FAT4: variants seen among roughly 807,000 people sequenced by gnomAD.
FAT4 encodes the protein FAT atypical cadherin 4.
Under a neutral mutation model 303.9 loss-of-function variants are expected in FAT4, and 84 were observed. The ratio of observed to expected loss-of-function variants is 0.28; its 90% CI spans 0.23 to 0.33. The LOEUF (loss-of-function observed/expected upper bound fraction) is 0.33, where lower values mean the gene tolerates loss of function less well. Ranked by LOEUF, FAT4 falls within the 10% of genes least tolerant of loss-of-function variation. FAT4 has a pLI of 1.00. For missense variants in FAT4, 6,005 were observed against 6,146.8 expected, an observed-to-expected ratio of 0.98 and a Z score of 0.77; for synonymous variants, 2,307 against 2,298.8, an observed-to-expected ratio of 1.00 and a Z score of -0.10.
At chr4:125,394,740 A>G (rs1038081120) in intron 2 of FAT4, among the ~76,000 whole-genome samples, 1 of 152,146 alleles carries the variant, frequency 6.6e-6, no homozygotes, top group African/African-American at 2.4e-5. Flanking sequence ...TCTGAGAGTG[A>G]ACCAAGCACA....
rs746232922 is a variant in FAT4, at chr4:125,468,603, T to C, written c.11997T>C (p.Tyr3999=). The C allele has an allele frequency of 2.5e-6, 4 of 1,614,044 alleles. No individual in the cohort carries two copies. The highest frequency in any genetic ancestry group is 2.2e-5 in the East Asian group (1 of 44,882). ...EFPSLDPNNN[Y]IYVKFATIKS... ...CAAGCTTGGACCCCAATAACAACTA[T>C]ATTTATGTCAAATTTGCCACGATTA... is the stretch of plus-strand genomic sequence containing the variant. The change falls in exon 12 of 18, where the codon TAT becomes TAC. Residue 3999 remains tyrosine, a synonymous_variant. Coordinates refer to ENST00000394329, the MANE Select transcript of FAT4 (RefSeq NM_001291303.3).
At chr4:125,394,665 A>C (rs2126009547) in intron 2 of FAT4, among the ~76,000 whole-genome samples, 1 of 152,272 alleles carries the variant, frequency 6.6e-6, no homozygotes, top group South Asian at 2.1e-4. Context: ...TGTTTTATAT[A>C]ACGTTTTAAA....
chr4:125,462,626 T>C (rs144946867), intron 10 of FAT4, among the ~76,000 whole-genome samples: 154 of 152,120 alleles, frequency 1.0e-3, no homozygotes, highest in Non-Finnish European at 1.7e-3. Context: ...CCAAGTTTTA[T>C]ACACCACGTG....
At chr4:125,403,447 G>T (rs1186757103) in intron 3 of FAT4, among the ~76,000 whole-genome samples, 1 of 151,892 alleles carries the variant, frequency 6.6e-6, no homozygotes, top group African/African-American at 2.4e-5. Flanking sequence ...GCCGATCCTT[G>T]CTTCTCTTCT....
At chr4:125,477,525 ATG>A (rs1727072752) in intron 14 of FAT4, 191 bp downstream of exon 14, 2 of 408,592 alleles carry the variant, frequency 4.9e-6, no homozygotes, top group African/African-American at 5.1e-5. Flanking sequence ...GAAAATTAAT[ATG>A]TTTCTAGATT....
intron 3 of FAT4, among the ~76,000 whole-genome samples, chr4:125,401,188 C>T (rs939842062): frequency 8.6e-5 from 13 of 151,998 alleles, no homozygotes; most frequent in African/African-American, 2.4e-4. Context: ...GTTTTAATAA[C>T]TGCTGACTGA....
intron 12 of FAT4, among the ~76,000 whole-genome samples, chr4:125,475,476 C>T (rs767876448): frequency 1.3e-5 from 2 of 151,936 alleles, no homozygotes; most frequent in Non-Finnish European, 1.5e-5. Context: ...ATACGCATCC[C>T]TTAGAATGCA....
intron 2 of FAT4, among the ~76,000 whole-genome samples, chr4:125,395,321 CT>C (rs1164999574): frequency 6.6e-6 from 1 of 151,992 alleles, no homozygotes; most frequent in Non-Finnish European, 1.5e-5. Context: ...CTTTTTTATT[CT>C]TTTTTGAGAC....
At chr4:125,365,694 A>G (rs1046095501) in intron 2 of FAT4, among the ~76,000 whole-genome samples, 1 of 152,250 alleles carries the variant, frequency 6.6e-6, no homozygotes, top group Non-Finnish European at 1.5e-5. Flanking sequence ...TATTTAAGAA[A>G]TAAAGTATAT....
rs1419249521 is a variant in FAT4 at position 125,434,269 on chromosome 4, G to C, written c.7043G>C (p.Gly2348Ala). ...GGATCCCCTGCCTTGACTGGAACTG[G>C]AACAATCAACGTCATAGTAGATGAT... ...DSGSPALTGT[G>A]TINVIVDDVN... Residue 2348 changes from glycine to alanine, a missense_variant, in exon 8 of 18, where the codon GGA (glycine) becomes GCA (alanine). Coordinates refer to ENST00000394329, the MANE Select transcript of FAT4 (RefSeq NM_001291303.3). The C allele has an allele frequency of 3.7e-6, 6 of 1,613,164 alleles. No individual in the cohort carries two copies. The African/African-American group carries it at 6.7e-5, about 18-fold the overall frequency.
intron 2 of FAT4, among the ~76,000 whole-genome samples, chr4:125,386,972 T>G (rs537391330): frequency 6.6e-6 from 1 of 152,264 alleles, no homozygotes; most frequent in Non-Finnish European, 1.5e-5. Context: ...AGGCATTAGA[T>G]TCTCATAAAG....
chr4:125,417,812 C>T (rs900621699), intron 7 of FAT4, among the ~76,000 whole-genome samples: 6 of 152,048 alleles, frequency 3.9e-5, no homozygotes, highest in South Asian at 2.1e-4. Context: ...TTTTTCGAGT[C>T]GCTCTGAAAT....
chr4:125,364,059 A>G (rs1160101432), intron 2 of FAT4, among the ~76,000 whole-genome samples: 1 of 151,976 alleles, frequency 6.6e-6, no homozygotes, highest in African/African-American at 2.4e-5. Flanking sequence ...TCCGTTGTTG[A>G]TGGACTGATG....
At position 125,406,920 on chromosome 4, in the gene FAT4, C is replaced by A; in HGVS notation, c.5348C>A (p.Ala1783Asp). The A allele has an allele frequency of 6.2e-7, 1 of 1,613,786 alleles. No homozygotes were observed. Among genetic ancestry groups the A allele is most frequent in the Non-Finnish European group, 8.5e-7 (1 of 1,179,826 alleles). The change falls in exon 4 of 18, where the codon GCT becomes GAT. Residue 1783 changes from alanine to aspartate, a missense_variant. Physicochemically the swap from Ala to Asp is moderately radical, Grantham distance 126. Coordinates refer to ENST00000394329, the MANE Select transcript of FAT4 (RefSeq NM_001291303.3). Reference sequence around the variant, plus strand: ...GTCACATACACTATCATTAGTGGAGCTGATGATAGTTTTCGCATCGACCCA... The same window carrying A: ...GTCACATACACTATCATTAGTGGAGATGATGATAGTTTTCGCATCGACCCA... ...ALVTYTIISG[A>D]DDSFRIDPES...
At chr4:125,440,891 G>T (rs1346804786) in intron 8 of FAT4, among the ~76,000 whole-genome samples, 1 of 152,038 alleles carries the variant, frequency 6.6e-6, no homozygotes, top group Non-Finnish European at 1.5e-5. Flanking sequence ...ACACCTTGCA[G>T]CTAAGGGTCA....
chr4:125,404,420 C>T lies in FAT4; in HGVS notation c.5308-2460C>T, dbSNP rs141533856. 1.6e-3 allele frequency among the ~76,000 whole-genome samples: 242 copies of T among 152,140 alleles called. 1 individual carries two copies. Among genetic ancestry groups the T allele is most frequent in the African/African-American group, 5.2e-3 (218 of 41,526 alleles). ...TATTTGAAGTTCTCAAAAAATATAC[C>T]GATACTCTAACATTTTAGCTTGACT... On this transcript the variant is annotated intron_variant, in intron 3 of 17. Transcript: ENST00000394329.
Position 125,321,084 on chromosome 4 carries a change from G to C in FAT4, c.4673G>C (p.Gly1558Ala), listed in dbSNP as rs1342308078. ...ATTATGGCTGCTGACCCAGATGAAG[G>C]TGCTAATGGAGAAATAGAGTATGAG... ...TTIMAADPDE[G>A]ANGEIEYEII... The change falls in exon 2 of 18, where the codon GGT becomes GCT. Residue 1558 changes from glycine to alanine, a missense_variant. Transcript: ENST00000394329. 1.9e-6 allele frequency: 3 copies of C among 1,614,046 alleles called. No homozygotes were observed. In the Admixed American group the frequency reaches 5.0e-5, roughly 27 times the overall value.
chr4:125,397,713 G>A (rs1308842791), intron 2 of FAT4, among the ~76,000 whole-genome samples: 1 of 152,022 alleles, frequency 6.6e-6, no homozygotes, highest in Non-Finnish European at 1.5e-5. Flanking sequence ...TTCAGATAAT[G>A]ATGACAGTCC....
chr4:125,421,017 G>A (rs1466069090), intron 7 of FAT4, among the ~76,000 whole-genome samples: 7 of 152,078 alleles, frequency 4.6e-5, no homozygotes, highest in African/African-American at 1.4e-4. Context: ...TGCAACCTTC[G>A]CCTCCCGGGT....
Sources: gnomAD v4.1 joint callset for allele counts (sites outside exome capture counted in the v4.1 genomes callset) on GRCh38, gnomAD v4.1.1 for gene constraint, MANE v1.5 for transcripts, NCBI Gene and HGNC (gene_info 2026-07-23, HGNC 2026-07-21) for gene names.